MMP16: variants seen among roughly 807,000 people sequenced by gnomAD.
MMP16 encodes the protein matrix metallopeptidase 16.
Under a neutral mutation model 67.8 loss-of-function variants are expected in MMP16, and 12 were observed. The observed-to-expected ratio is 0.18, with a 90% CI of 0.11 to 0.29. The LOEUF is 0.29. MMP16 is among the 10% of genes least tolerant of loss of function. MMP16 has a pLI of 1.00. For missense variants in MMP16, 475 were observed against 765.7 expected, an observed-to-expected ratio of 0.62 and a Z score of 4.48; for synonymous variants, 249 against 255.9, an observed-to-expected ratio of 0.97 and a Z score of 0.26.
chr8:88,115,622 G>A (rs557049914), intron 6 of MMP16, among the ~76,000 whole-genome samples: 4 of 152,068 alleles, frequency 2.6e-5, no homozygotes, highest in Admixed American at 6.6e-5. Context: ...TATGTAAGTA[G>A]AACAGCATTG....
chr8:88,323,426 C>T (rs1811489913), intron 1 of MMP16, among the ~76,000 whole-genome samples: 1 of 152,078 alleles, frequency 6.6e-6, no homozygotes, highest in Non-Finnish European at 1.5e-5. Flanking sequence ...AATAGTTATA[C>T]TCAATTCATA....
At chr8:88,101,822 C>A (rs1258621718) in intron 6 of MMP16, among the ~76,000 whole-genome samples, 1 of 151,828 alleles carries the variant, frequency 6.6e-6, no homozygotes, top group Admixed American at 6.6e-5. Flanking sequence ...TTACAGAAGT[C>A]CCTATATTCT....
chr8:88,200,039 G>C (rs1020653999), intron 1 of MMP16, among the ~76,000 whole-genome samples: 1 of 151,946 alleles, frequency 6.6e-6, no homozygotes, highest in Non-Finnish European at 1.5e-5. Context: ...TTCTTGCTCA[G>C]TAAGTCATAC....
At chr8:88,182,821 A>G (rs1809003146) in intron 3 of MMP16, among the ~76,000 whole-genome samples, 1 of 115,542 alleles carries the variant, frequency 8.7e-6, no homozygotes, top group South Asian at 2.6e-4. Flanking sequence ...GGCTTCAATA[A>G]GTGAATGAAT....
At chr8:88,304,621 G>A (rs970359082) in intron 1 of MMP16, among the ~76,000 whole-genome samples, 2 of 152,212 alleles carry the variant, frequency 1.3e-5, no homozygotes, top group African/African-American at 2.4e-5. Flanking sequence ...CTACAAGGCA[G>A]AAGAGATTGG....
chr8:88,126,479 G>A (rs746255426), intron 4 of MMP16, among the ~76,000 whole-genome samples: 2 of 151,828 alleles, frequency 1.3e-5, no homozygotes, highest in Non-Finnish European at 2.9e-5. Flanking sequence ...TAAATTATGA[G>A]GGTCTAGCGT....
chr8:88,287,528 G>A (rs897028802), intron 1 of MMP16, among the ~76,000 whole-genome samples: 2 of 152,052 alleles, frequency 1.3e-5, no homozygotes, highest in African/African-American at 4.8e-5. Context: ...TCAGGCCCTC[G>A]GGTTGATGCA....
intron 4 of MMP16, among the ~76,000 whole-genome samples, chr8:88,156,070 T>A (rs943802860): frequency 8.5e-5 from 13 of 152,170 alleles, no homozygotes; most frequent in African/African-American, 2.9e-4. Flanking sequence ...GTTTGGAACA[T>A]ATTAAATGTG....
chr8:88,200,231 C>G (rs771447188), intron 1 of MMP16, among the ~76,000 whole-genome samples: 2 of 151,856 alleles, frequency 1.3e-5, no homozygotes, highest in South Asian at 2.1e-4. Flanking sequence ...AATCCAAAAG[C>G]AAATAAGGAA....
intron 1 of MMP16, among the ~76,000 whole-genome samples, chr8:88,218,777 C>T (rs575598936): frequency 1.1e-3 from 163 of 152,010 alleles, no homozygotes; most frequent in Non-Finnish European, 9.1e-4. Flanking sequence ...TCAAGAGAAG[C>T]GCTGCACATT....
chr8:88,121,823 C>G (rs552868546), intron 4 of MMP16, among the ~76,000 whole-genome samples: 1 of 152,014 alleles, frequency 6.6e-6, no homozygotes, highest in East Asian at 1.9e-4. Flanking sequence ...TTTGTCATTT[C>G]TTTGTCATAA....
At chr8:88,069,936 C>T (rs1163253172) in intron 7 of MMP16, among the ~76,000 whole-genome samples, 1 of 152,008 alleles carries the variant, frequency 6.6e-6, no homozygotes, top group Non-Finnish European at 1.5e-5. Context: ...GATTTTGTAA[C>T]TTTGAGAGAC....
chr8:88,109,757 T>C lies in MMP16; in HGVS notation c.1083+6750A>G, dbSNP rs1012937148. Among the ~76,000 whole-genome samples the C allele has an allele frequency of 5.3e-5, 8 of 151,320 alleles. No homozygotes were observed. The Admixed American group carries it at 5.3e-4, about 10-fold the overall frequency. ...GTATGAATTGTGAATATAAGCACTT[T>C]CTATGCAAAAATGTCAATATAAAAA... On this transcript the variant is annotated intron_variant, in intron 6 of 9. Transcript: ENST00000286614.
intron 6 of MMP16, among the ~76,000 whole-genome samples, chr8:88,103,263 G>A (rs1319833786): frequency 6.6e-6 from 1 of 151,638 alleles, no homozygotes; most frequent in Non-Finnish European, 1.5e-5. Flanking sequence ...TTGTACATTC[G>A]TGTATTACAG....
chr8:88,236,778 T>C (rs1163524140), intron 1 of MMP16, among the ~76,000 whole-genome samples: 1 of 90,430 alleles, frequency 1.1e-5, no homozygotes, highest in Admixed American at 1.8e-4. Flanking sequence ...ACCAGCCCTA[T>C]GATCAAAGCT....
intron 4 of MMP16, among the ~76,000 whole-genome samples, chr8:88,136,980 A>T (rs1305090806): frequency 6.6e-6 from 1 of 151,510 alleles, no homozygotes; most frequent in Non-Finnish European, 1.5e-5. Flanking sequence ...TTATATACAT[A>T]TTTTTTTTCT....
At position 88,116,710 on chromosome 8, in the gene MMP16, C is replaced by T; in HGVS notation, c.880G>A (p.Asp294Asn). The change falls in exon 6 of 10, where the codon GAC becomes AAC. Residue 294 changes from aspartate to asparagine, a missense_variant. By Grantham distance (23) the Asp-to-Asn change is conservative. Coordinates refer to ENST00000286614, the MANE Select transcript of MMP16 (RefSeq NM_005941.5). ...QGIQKIYGPPDKIPPPTRPLP... is the reference protein window; with the variant it reads ...QGIQKIYGPPNKIPPPTRPLP... ...GGTCTTGTAGGTGGAGGAATCTTGT[C>T]AGGTGGACCTTTTGAAAATATGAGG... The T allele has an allele frequency of 1.9e-6, 3 of 1,613,260 alleles. No individual in the cohort carries two copies. The highest frequency in any genetic ancestry group is 2.5e-6 in the Non-Finnish European group (3 of 1,179,598).
chr8:88,146,865 C>T (rs1000165641), intron 4 of MMP16, among the ~76,000 whole-genome samples: 1 of 151,782 alleles, frequency 6.6e-6, no homozygotes, highest in Admixed American at 6.6e-5. Context: ...TTTTCCCCAA[C>T]TGTTTGAACA....
At chr8:88,071,434 A>G (rs138514704) in intron 7 of MMP16, among the ~76,000 whole-genome samples, 1 of 152,236 alleles carries the variant, frequency 6.6e-6, no homozygotes, top group African/African-American at 2.4e-5. Flanking sequence ...GGGGAATAAA[A>G]GACAAAGCTT....
Sources: gnomAD v4.1 joint callset for allele counts (sites outside exome capture counted in the v4.1 genomes callset) on GRCh38, gnomAD v4.1.1 for gene constraint, MANE v1.5 for transcripts, NCBI Gene and HGNC (gene_info 2026-07-23, HGNC 2026-07-21) for gene names.